MAGI2: variants seen among roughly 807,000 people sequenced by gnomAD.
MAGI2 encodes the protein membrane-associated guanylate kinase, WW and PDZ domain-containing protein 2.
A neutral mutation model predicts 133.3 loss-of-function variants in MAGI2; 35 were observed. The ratio of observed to expected loss-of-function variants is 0.26; its 90% CI spans 0.20 to 0.35. MAGI2 has a LOEUF of 0.35. MAGI2 is among the 10% of genes least tolerant of loss of function. MAGI2 has a pLI of 1.00. For synonymous variants in MAGI2, 729 were observed against 710.6 expected (o/e 1.03, Z -0.41); for missense variants, 1,636 against 1,863.4 (o/e 0.88, Z 2.25).
At chr7:78,844,678 G>A (rs922941774) in intron 2 of MAGI2, among the ~76,000 whole-genome samples, 1 of 151,796 alleles carries the variant, frequency 6.6e-6, no homozygotes, top group African/African-American at 2.4e-5. Context: ...ACAGGAGTGG[G>A]GTTTCTTTGT....
intron 10 of MAGI2, among the ~76,000 whole-genome samples, chr7:78,232,025 A>G (rs1790030522): frequency 6.6e-6 from 1 of 152,008 alleles, no homozygotes; most frequent in Non-Finnish European, 1.5e-5. Context: ...GCCTTGACTC[A>G]GGAACCATTG....
intron 9 of MAGI2, among the ~76,000 whole-genome samples, chr7:78,304,423 G>A (rs963023010): frequency 6.6e-6 from 1 of 152,046 alleles, no homozygotes. Flanking sequence ...TTTTACTTAG[G>A]TTTTTATTCA....
At chr7:79,011,230 T>C (rs1473690702) in intron 1 of MAGI2, among the ~76,000 whole-genome samples, 1 of 152,112 alleles carries the variant, frequency 6.6e-6, no homozygotes, top group Non-Finnish European at 1.5e-5. Flanking sequence ...GTTTCCATCA[T>C]TTTCAGGAAT....
chr7:78,118,446 G>C (rs1418166831), intron 20 of MAGI2, among the ~76,000 whole-genome samples: 1 of 152,124 alleles, frequency 6.6e-6, no homozygotes, highest in Admixed American at 6.5e-5. Context: ...ATTTATGAAA[G>C]ATGTATCTGA....
At chr7:78,964,930 G>C (rs912388175) in intron 2 of MAGI2, among the ~76,000 whole-genome samples, 1 of 151,790 alleles carries the variant, frequency 6.6e-6, no homozygotes, top group East Asian at 1.9e-4. Flanking sequence ...TGGAGTAAAG[G>C]CTTATTTCTT....
intron 15 of MAGI2, 77 bp from the exon 16 acceptor site, chr7:78,160,350 GT>G: frequency 7.2e-7 from 1 of 1,385,516 alleles, no homozygotes; most frequent in Non-Finnish European, 9.6e-7. Context: ...ACTAGGCACT[GT>G]TCTAGACAGT....
At chr7:78,924,230 T>C (rs1479656564) in intron 2 of MAGI2, among the ~76,000 whole-genome samples, 1 of 152,144 alleles carries the variant, frequency 6.6e-6, no homozygotes, top group Non-Finnish European at 1.5e-5. Context: ...TCCAACACTA[T>C]GTTGAATAAG....
intron 9 of MAGI2, among the ~76,000 whole-genome samples, chr7:78,281,500 C>A (rs902349207): frequency 6.6e-6 from 1 of 152,156 alleles, no homozygotes; most frequent in Admixed American, 6.6e-5. Flanking sequence ...TCCTCTTATC[C>A]TTCCACCATG....
chr7:79,225,877 C>T (rs1347222682), intron 1 of MAGI2, among the ~76,000 whole-genome samples: 2 of 152,084 alleles, frequency 1.3e-5, no homozygotes, highest in Admixed American at 1.3e-4. Context: ...CATTTTATGG[C>T]CTGATTATGA....
At chr7:78,911,954 A>G (rs1410203643) in intron 2 of MAGI2, among the ~76,000 whole-genome samples, 1 of 152,204 alleles carries the variant, frequency 6.6e-6, no homozygotes, top group Non-Finnish European at 1.5e-5. Flanking sequence ...GAGCAAGATC[A>G]TGTCTTTTAC....
At chr7:78,257,206 A>G (rs1793077711) in intron 9 of MAGI2, among the ~76,000 whole-genome samples, 1 of 152,206 alleles carries the variant, frequency 6.6e-6, no homozygotes, top group Admixed American at 6.6e-5. Context: ...GATACATGAT[A>G]TTGACCAAGT....
At chr7:78,933,619 T>C (rs1282312339) in intron 2 of MAGI2, among the ~76,000 whole-genome samples, 2 of 152,094 alleles carry the variant, frequency 1.3e-5, no homozygotes, top group African/African-American at 4.8e-5. Context: ...AATAGATAAA[T>C]AGCTGAGATG....
chr7:79,186,191 A>AATATATATATATATATATATAT (rs60719172), intron 1 of MAGI2, among the ~76,000 whole-genome samples: 9 of 111,804 alleles, frequency 8.0e-5, no homozygotes, highest in Non-Finnish European at 1.1e-4. Flanking sequence ...TGCCTGGGAA[A>AATATATATATATATATATATAT]ATATATATAT....
chr7:78,654,286 T>G (rs1375597688), intron 2 of MAGI2, among the ~76,000 whole-genome samples: 1 of 152,166 alleles, frequency 6.6e-6, no homozygotes, highest in Non-Finnish European at 1.5e-5. Flanking sequence ...CTTCCTCATA[T>G]GAGGAATTAT....
At chr7:78,065,743 A>G in intron 21 of MAGI2, 1 of 543,372 alleles carries the variant, frequency 1.8e-6, no homozygotes, top group South Asian at 3.0e-5. Context: ...TTACTGTTAG[A>G]ATCAAGATTG....
At chr7:78,124,130 T>C (rs1306861878) in intron 20 of MAGI2, among the ~76,000 whole-genome samples, 1 of 152,222 alleles carries the variant, frequency 6.6e-6, no homozygotes, top group Non-Finnish European at 1.5e-5. Flanking sequence ...CTCACAGGGC[T>C]CTGGCCATTT....
chr7:78,424,951 G>A (rs62468775), intron 6 of MAGI2, among the ~76,000 whole-genome samples: 21,412 of 152,088 alleles, frequency 0.14, 1,757 homozygotes, highest in African/African-American at 0.21. Context: ...TTGAGTTAAC[G>A]TTGAGATGAG....
At chr7:79,177,946 T>C (rs1826256552) in intron 1 of MAGI2, among the ~76,000 whole-genome samples, 1 of 152,080 alleles carries the variant, frequency 6.6e-6, no homozygotes, top group African/African-American at 2.4e-5. Flanking sequence ...AGCTTATCTA[T>C]AGCATCTTGT....
At chr7:78,535,623 AACTT>A (rs1797823002) in intron 3 of MAGI2, among the ~76,000 whole-genome samples, 1 of 152,098 alleles carries the variant, frequency 6.6e-6, no homozygotes, top group African/African-American at 2.4e-5. Flanking sequence ...AGGCTGAACT[AACTT>A]TGGGAGGAAC....
Sources: gnomAD v4.1 joint callset for allele counts (sites outside exome capture counted in the v4.1 genomes callset) on GRCh38, gnomAD v4.1.1 for gene constraint, MANE v1.5 for transcripts, NCBI Gene and HGNC (gene_info 2026-07-23, HGNC 2026-07-21) for gene names.